INTS10: variants seen among roughly 807,000 people sequenced by gnomAD.
INTS10 encodes the protein chromosome 8 open reading frame 35.
In INTS10, 44 loss-of-function variants were observed where a neutral mutation model predicts 94.4. The ratio of observed to expected loss-of-function variants is 0.47; its 90% confidence interval spans 0.37 to 0.60. The LOEUF is 0.60. Ranked by LOEUF, INTS10 falls within the 20% of genes least tolerant of loss-of-function variation. The pLI, the probability that INTS10 is intolerant of heterozygous loss-of-function variation, is 0.00. For missense variants in INTS10, 797 were observed against 868.7 expected, an observed-to-expected ratio of 0.92 and a Z score of 1.04; for synonymous variants, 341 against 320.7, an observed-to-expected ratio of 1.06 and a Z score of -0.68.
At chr8:19,842,961 G>A (rs761218309) in intron 14 of INTS10, 34 bp downstream of exon 14, 5 of 1,360,550 alleles carry the variant, frequency 3.7e-6, no homozygotes, top group East Asian at 2.3e-5. Context: ...GAAAAAAAAT[G>A]TAATTTCAAA....
At chr8:19,830,325 C>A (rs2128773788) in intron 9 of INTS10, 81 bp from the exon 10 acceptor site, 1 of 1,258,618 alleles carries the variant, frequency 7.9e-7, no homozygotes, top group South Asian at 1.8e-5. Context: ...TATCACGGGC[C>A]AAACTGGCAG....
At chr8:19,829,909 C>T (rs193149655) in intron 9 of INTS10, among the ~76,000 whole-genome samples, 23 of 152,310 alleles carry the variant, frequency 1.5e-4, no homozygotes, top group African/African-American at 5.3e-4. Context: ...CTTAAGTGAT[C>T]TGTCCTCCTC....
Position 19,851,923 on chromosome 8 carries a change from ATCTGAGT to A in INTS10, c.*122_*128del, listed in dbSNP as rs1196987264. 2 of 832,364 alleles carry A rather than the reference ATCTGAGT, an allele frequency of 2.4e-6. No homozygotes were observed. Among genetic ancestry groups the A allele is most frequent in the East Asian group, 5.4e-5 (2 of 37,354 alleles). The allele number at this position is 832,364 out of a possible 1,614,324, so 51.6% of individuals were successfully genotyped here. ...TGTTGCTGTTACAAAGAAGAAAACC[ATCTGAGT>A]TCTAACTCCTTGGTTGCTTAAAAGT... On this transcript the variant is annotated 3_prime_UTR_variant, in exon 17 of 17. Coordinates refer to ENST00000397977, the MANE Select transcript of INTS10 (RefSeq NM_018142.4). This position sits in a 1 kb window ranked among gnomAD's most constrained non-coding sequence, Gnocchi z 5.0.
rs764573205 is a variant in INTS10 at position 19,817,519 on chromosome 8, G to T, written c.-19G>T. 1.2e-6 allele frequency: 2 copies of T among 1,601,524 alleles called. No individual in the cohort carries two copies. The highest frequency in any genetic ancestry group is 1.7e-5 in the Admixed American group (1 of 59,020). ...ACGTTCCGGCCGCTTCGGGCTGGCG[G>T]CTGGAGAGCGCTCGGGTCATGTCTG... On this transcript the variant is annotated 5_prime_UTR_variant, in exon 1 of 17. Transcript: ENST00000397977.
chr8:19,838,342 C>T (rs1342457715), intron 13 of INTS10, among the ~76,000 whole-genome samples: 1 of 151,566 alleles, frequency 6.6e-6, no homozygotes, highest in Non-Finnish European at 1.5e-5. Flanking sequence ...GTCAACACAA[C>T]CAGACTCAAA....
At chr8:19,817,933 G>C (rs1330751116) in intron 1 of INTS10, among the ~76,000 whole-genome samples, 2 of 152,282 alleles carry the variant, frequency 1.3e-5, no homozygotes, top group South Asian at 2.1e-4. Flanking sequence ...GGTGTGCTTA[G>C]GTCCCTGGGG....
In INTS10 at chr8:19,820,537, CCTT is replaced by C; in HGVS notation, c.441+23_441+25del. 1 of 1,597,156 alleles carries C rather than the reference CCTT, an allele frequency of 6.3e-7. No individual in the cohort carries two copies. The highest frequency in any genetic ancestry group is 8.6e-7 in the Non-Finnish European group (1 of 1,169,148). On this transcript the variant is annotated intron_variant, in intron 4 of 16. Transcript: ENST00000397977. ...GCATGGGGTGAGATTTGATTCTTCC[CCTT>C]CTTTTAATATAAAATACAATGGGTC...
intron 2 of INTS10, 44 bp downstream of exon 2, chr8:19,818,386 C>T (rs759376576): frequency 6.3e-6 from 10 of 1,580,612 alleles, no homozygotes; most frequent in Admixed American, 5.0e-5. Flanking sequence ...CTGAATCTCT[C>T]CATGAGGTTT....
intron 9 of INTS10, 47 bp from the exon 10 acceptor site, chr8:19,830,359 C>G: frequency 6.5e-7 from 1 of 1,539,312 alleles, no homozygotes; most frequent in Non-Finnish European, 8.8e-7. Flanking sequence ...CCATATATGA[C>G]TATATTTATA....
At chr8:19,823,581 A>C (rs1589933997) in intron 6 of INTS10, 140 bp downstream of exon 6, 3 of 679,424 alleles carry the variant, frequency 4.4e-6, no homozygotes, top group Non-Finnish European at 2.5e-6. Flanking sequence ...TCTAGAAAAA[A>C]AATACTAAAA....
At chr8:19,825,657 G>A (rs1402470263) in intron 8 of INTS10, among the ~76,000 whole-genome samples, 1 of 152,098 alleles carries the variant, frequency 6.6e-6, no homozygotes, top group Admixed American at 6.6e-5. Flanking sequence ...TAAATATACT[G>A]TAGAAAATTT....
chr8:19,850,458 G>C (rs1181014871), intron 16 of INTS10, among the ~76,000 whole-genome samples: 1 of 151,200 alleles, frequency 6.6e-6, no homozygotes, highest in Non-Finnish European at 1.5e-5. Context: ...AAGGTTCTGT[G>C]ATAGCTTTAC....
Position 19,833,253 on chromosome 8 carries a change from G to A in INTS10, c.1462G>A (p.Gly488Arg), listed in dbSNP as rs1453077974. ...TTCTCAGCCACAGATCACAGGGCAGGGGACCCTGGAGCATCAGAGGGCGCT... is the reference window on the plus strand; with the variant it reads ...TTCTCAGCCACAGATCACAGGGCAGAGGACCCTGGAGCATCAGAGGGCGCT... ...SISQPQITGQ[G>R]TLEHQRALIQ... is the part of the protein sequence containing the mutation. The change falls in exon 12 of 17, where the codon GGG (glycine) becomes AGG (arginine). Residue 488 changes from glycine to arginine, a missense_variant. This residue lies in a region of INTS10 where 734 missense variants were observed against 787.8 expected (regional missense o/e 0.93). Coordinates refer to ENST00000397977, the MANE Select transcript of INTS10 (RefSeq NM_018142.4). 6.2e-7 allele frequency: 1 copy of A among 1,612,962 alleles called. No homozygotes were observed. Among genetic ancestry groups the A allele is most frequent in the Non-Finnish European group, 8.5e-7 (1 of 1,179,450 alleles).
At chr8:19,820,585 T>C (rs1273345409) in intron 4 of INTS10, 67 bp downstream of exon 4, 21 of 1,402,012 alleles carry the variant, frequency 1.5e-5, no homozygotes, top group Non-Finnish European at 1.9e-5. Context: ...TTCATCGGTA[T>C]GGTGAGGAGC....
intron 9 of INTS10, among the ~76,000 whole-genome samples, chr8:19,828,722 GT>G (rs546461512): frequency 1.3e-3 from 182 of 143,064 alleles, no homozygotes; most frequent in East Asian, 4.9e-3. Flanking sequence ...TACGGTTGTG[GT>G]TTTTTTTTTT....
chr8:19,834,914 C>T (rs75032664), intron 12 of INTS10, among the ~76,000 whole-genome samples: 1 of 152,114 alleles, frequency 6.6e-6, no homozygotes, highest in Non-Finnish European at 1.5e-5. Flanking sequence ...ATAGAAGGGA[C>T]AAGAGAGCAC....
chr8:19,818,234 G>A, intron 1 of INTS10, 41 bp from the exon 2 acceptor site: 1 of 1,602,518 alleles, frequency 6.2e-7, no homozygotes, highest in Non-Finnish European at 8.5e-7. Context: ...GGAGCCTTCT[G>A]GGCAGGGGTG....
At chr8:19,835,215 GC>G (rs2067556805) in intron 12 of INTS10, among the ~76,000 whole-genome samples, 1 of 152,064 alleles carries the variant, frequency 6.6e-6, no homozygotes, top group African/African-American at 2.4e-5. Context: ...CCTAATCCAT[GC>G]CTTTTAACTA....
At chr8:19,821,642 C>T (rs140663322) in intron 4 of INTS10, 3 of 151,888 alleles carry the variant, frequency 2.0e-5, no homozygotes, top group Non-Finnish European at 4.4e-5. Flanking sequence ...GATTGAGGGC[C>T]TTTCTAATCC....
Sources: allele counts gnomAD v4.1 joint callset (sites outside exome capture counted in the v4.1 genomes callset), GRCh38; gene constraint gnomAD v4.1.1; regional missense constraint gnomAD v4.1.1; non-coding constraint Gnocchi (gnomAD v3.1); transcripts MANE v1.5; gene names NCBI Gene and HGNC (gene_info 2026-07-23, HGNC 2026-07-21).